The following SEPTIN7 variants were observed in gnomAD, a reference collection of about 807,000 sequenced individuals.
SEPTIN7 encodes the protein septin 7.
SEPTIN7 carries 10 observed loss-of-function variants against 63.3 expected under a neutral mutation model. The observed-to-expected ratio is 0.16, with a 90% confidence interval of 0.10 to 0.27. The LOEUF (loss-of-function observed/expected upper bound fraction) is 0.27. Among genes scored for constraint, SEPTIN7 ranks in the 10% least tolerant of loss-of-function variants. The probability of loss-of-function intolerance (pLI) is 1.00; values close to 1 mark genes in which losing one functional copy is unlikely to be tolerated. For synonymous variants in SEPTIN7, 131 were observed against 165.3 expected (o/e 0.79, Z 1.59); for missense variants, 310 against 521.0 (o/e 0.59, Z 3.94).
At position 35,816,809 on chromosome 7, in the gene SEPTIN7, C is replaced by T. The variant is rs1289364474; in HGVS notation, c.62-14683C>T. On this transcript the variant is annotated intron_variant, in intron 1 of 13. Transcript: ENST00000350320. ...ATCATTGTGGTTTTAATTTGCATTT[C>T]CCTAATGATGTTGAACATCTTTTCA... Among the ~76,000 whole-genome samples the T allele has an allele frequency of 3.3e-5, 5 of 152,186 alleles. No individual in the cohort carries two copies. The East Asian group carries it at 9.6e-4, about 29-fold the overall frequency.
intron 10 of SEPTIN7, among the ~76,000 whole-genome samples, chr7:35,887,979 AAG>A (rs1787371122): frequency 6.6e-6 from 1 of 152,214 alleles, no homozygotes; most frequent in African/African-American, 2.4e-5. Flanking sequence ...GCTTCTAAGA[AAG>A]AGGCAAGTTC....
At chr7:35,806,178 C>T (rs994303934) in intron 1 of SEPTIN7, among the ~76,000 whole-genome samples, 3 of 152,168 alleles carry the variant, frequency 2.0e-5, no homozygotes, top group East Asian at 1.9e-4. Context: ...TTGTGGGAGA[C>T]GGGGAAGAAG....
chr7:35,851,042 A>G (rs1784931028), intron 3 of SEPTIN7, among the ~76,000 whole-genome samples: 1 of 152,156 alleles, frequency 6.6e-6, no homozygotes, highest in African/African-American at 2.4e-5. Flanking sequence ...GCTATTATAA[A>G]CAAATATTAT....
intron 1 of SEPTIN7, among the ~76,000 whole-genome samples, chr7:35,811,808 GGTCAGGA>G (rs1480149493): frequency 6.6e-6 from 1 of 152,170 alleles, no homozygotes; most frequent in Non-Finnish European, 1.5e-5. Context: ...TGGATCATGA[GGTCAGGA>G]GTTCAAGACC....
intron 1 of SEPTIN7, among the ~76,000 whole-genome samples, chr7:35,806,645 A>C (rs1196486934): frequency 2.0e-5 from 3 of 152,220 alleles, no homozygotes; most frequent in Admixed American, 1.3e-4. Flanking sequence ...CAAGATAGAG[A>C]ATACTTCCAC....
At chr7:35,871,175 A>G (rs551958381) in intron 4 of SEPTIN7, among the ~76,000 whole-genome samples, 1 of 152,358 alleles carries the variant, frequency 6.6e-6, no homozygotes, top group African/African-American at 2.4e-5. Flanking sequence ...AGTTTATATC[A>G]GGATCAAAGC....
At chr7:35,823,564 C>A (rs1429880999) in intron 1 of SEPTIN7, among the ~76,000 whole-genome samples, 2 of 152,204 alleles carry the variant, frequency 1.3e-5, no homozygotes, top group African/African-American at 4.8e-5. Flanking sequence ...CATTTTCATT[C>A]ACTGAATTAC....
chr7:35,880,223 C>CTTTTTTTTTTTTTTTTTTTTTTATTTTTT, intron 7 of SEPTIN7, among the ~76,000 whole-genome samples: 1 of 72,776 alleles, frequency 1.4e-5, no homozygotes, highest in African/African-American at 6.0e-5. Flanking sequence ...TTTTTCTTTT[C>CTTTTTTTTTTTTTTTTTTTTTTATTTTTT]TTTTTTTTTT....
chr7:35,838,293 C>T (rs1784194373), intron 3 of SEPTIN7, among the ~76,000 whole-genome samples: 1 of 14,528 alleles, frequency 6.9e-5, no homozygotes, highest in Non-Finnish European at 1.2e-4. Flanking sequence ...TCCTTCCTTC[C>T]TTCCTTCCTT....
At chr7:35,852,758 C>T (rs1436498515) in intron 3 of SEPTIN7, among the ~76,000 whole-genome samples, 2 of 152,002 alleles carry the variant, frequency 1.3e-5, no homozygotes, top group African/African-American at 2.4e-5. Flanking sequence ...TAAGACAATA[C>T]AATAAGCTAC....
downstream of SEPTIN7, among the ~76,000 whole-genome samples, chr7:35,909,987 G>C (rs1788711540): frequency 6.6e-6 from 1 of 152,204 alleles, no homozygotes; most frequent in South Asian, 2.1e-4. Flanking sequence ...TGGGGCTGGG[G>C]GATCTGCTTC....
At chr7:35,824,261 A>G (rs1783392410) in intron 1 of SEPTIN7, among the ~76,000 whole-genome samples, 1 of 152,104 alleles carries the variant, frequency 6.6e-6, no homozygotes, top group Non-Finnish European at 1.5e-5. Flanking sequence ...AGCATTTGGT[A>G]TAGTTAACCA....
chr7:35,847,988 A>G (rs192526342), intron 3 of SEPTIN7: 69 of 152,296 alleles, frequency 4.5e-4, no homozygotes, highest in African/African-American at 1.6e-3. Context: ...CCCGTCTTCT[A>G]TCCATTAGAT....
chr7:35,803,718 T>G (rs767657510), intron 1 of SEPTIN7, among the ~76,000 whole-genome samples: 8 of 152,226 alleles, frequency 5.3e-5, no homozygotes, highest in African/African-American at 9.7e-5. Context: ...AGACAAAACT[T>G]TTTGTATACT....
chr7:35,803,647 CA>C (rs1236780559), intron 1 of SEPTIN7, among the ~76,000 whole-genome samples: 2 of 152,206 alleles, frequency 1.3e-5, no homozygotes, highest in Admixed American at 1.3e-4. Flanking sequence ...AAGCTATCTT[CA>C]ATTTTTGATT....
At position 35,904,896 on chromosome 7, in the gene SEPTIN7, ATAT is replaced by A. The variant is rs1208929710; in HGVS notation, c.*608_*610del. ...TGTTTGTTTTGGATTCTTTAAATAT[ATAT>A]TATTCTCATTTAGTGCCCTCTTTAG... On this transcript the variant is annotated 3_prime_UTR_variant, in exon 14 of 14. Transcript: ENST00000350320. The A allele has an allele frequency of 6.6e-5, 10 of 152,410 alleles. No individual in the cohort carries two copies. In the East Asian group the frequency reaches 1.7e-3, roughly 26 times the overall value. The allele number at this position is 152,410 out of a possible 1,614,324, so 9.4% of individuals were successfully genotyped here. A position where few individuals can be genotyped will look rare whatever the true frequency, so the allele number is the denominator to read the frequency against.
At chr7:35,907,963 G>GTAT (rs1788663312), downstream of SEPTIN7, among the ~76,000 whole-genome samples, 1 of 152,304 alleles carries the variant, frequency 6.6e-6, no homozygotes, top group Admixed American at 6.5e-5. Context: ...AGACCAAAAA[G>GTAT]TATTTCTTCT....
At chr7:35,884,339 T>C (rs1276740874) in intron 9 of SEPTIN7, among the ~76,000 whole-genome samples, 1 of 152,156 alleles carries the variant, frequency 6.6e-6, no homozygotes, top group African/African-American at 2.4e-5. Context: ...TTTTGGATTT[T>C]TGGATTAAGG....
At chr7:35,879,038 G>C (rs561314327) in intron 6 of SEPTIN7, among the ~76,000 whole-genome samples, 1 of 152,320 alleles carries the variant, frequency 6.6e-6, no homozygotes, top group East Asian at 1.9e-4. Context: ...CTTACTAAGA[G>C]GATCCTGAAA....
Sources: allele counts gnomAD v4.1 joint callset (sites outside exome capture counted in the v4.1 genomes callset), GRCh38; gene constraint gnomAD v4.1.1; transcripts MANE v1.5; gene names NCBI Gene and HGNC (gene_info 2026-07-23, HGNC 2026-07-21).